Variants in DIAPH3 observed in about 807,000 individuals in gnomAD.
DIAPH3 encodes protein diaphanous homolog 3.
In DIAPH3, 117 loss-of-function variants were observed where a neutral mutation model predicts 144.3. The observed-to-expected ratio is 0.81, with a 90% CI of 0.70 to 0.95. The LOEUF is 0.95. Among genes scored for constraint, DIAPH3 ranks in the 40% least tolerant of loss-of-function variants. The probability of loss-of-function intolerance (pLI) is 0.00; values close to 1 mark genes in which losing one functional copy is unlikely to be tolerated. For synonymous variants in DIAPH3, 519 were observed against 488.9 expected (o/e 1.06, Z -0.81); for missense variants, 1,421 against 1,412.7 (o/e 1.01, Z -0.09).
At chr13:59,711,655 T>C (rs1265587175) in intron 27 of DIAPH3, among the ~76,000 whole-genome samples, 6 of 152,216 alleles carry the variant, frequency 3.9e-5, no homozygotes, top group African/African-American at 2.4e-5. Context: ...ATTCAAGATA[T>C]GCTATATCCA....
chr13:59,667,675 A>G (rs1364861378), intron 27 of DIAPH3, among the ~76,000 whole-genome samples: 2 of 152,250 alleles, frequency 1.3e-5, no homozygotes, highest in African/African-American at 4.8e-5. Flanking sequence ...ATACATACAC[A>G]CATACATTCT....
chr13:60,152,225 A>C (rs1041256472), intron 1 of DIAPH3, among the ~76,000 whole-genome samples: 5 of 152,080 alleles, frequency 3.3e-5, no homozygotes, highest in African/African-American at 1.2e-4. Flanking sequence ...GCTTCAAGAA[A>C]TTCTACACCA....
At chr13:59,793,261 C>T (rs1023893650) in intron 25 of DIAPH3, among the ~76,000 whole-genome samples, 6 of 152,148 alleles carry the variant, frequency 3.9e-5, no homozygotes, top group Admixed American at 1.3e-4. Flanking sequence ...TCCTGCCGCC[C>T]TCAGAAGTTT....
At chr13:60,112,265 A>G (rs2058589416) in intron 2 of DIAPH3, 79 bp from the exon 3 acceptor site, 1 of 1,494,210 alleles carries the variant, frequency 6.7e-7, no homozygotes, top group Non-Finnish European at 9.3e-7. Context: ...TGAGAAAAAC[A>G]AAGAGGGCCA....
intron 21 of DIAPH3, among the ~76,000 whole-genome samples, chr13:59,873,742 C>T (rs1260799974): frequency 3.4e-5 from 5 of 147,932 alleles, no homozygotes; most frequent in Non-Finnish European, 7.4e-5. Context: ...TCTCGGCTCA[C>T]TGCAACCTCC....
intron 2 of DIAPH3, among the ~76,000 whole-genome samples, chr13:60,123,887 C>A (rs1038898065): frequency 1.3e-5 from 2 of 152,158 alleles, no homozygotes; most frequent in Admixed American, 6.5e-5. Context: ...TTAAATAATT[C>A]TAGGTTGAGC....
At chr13:59,755,165 A>T (rs2037194254) in intron 27 of DIAPH3, among the ~76,000 whole-genome samples, 1 of 152,130 alleles carries the variant, frequency 6.6e-6, no homozygotes, top group African/African-American at 2.4e-5. Flanking sequence ...TTCAGTACTT[A>T]TTTTCAATTA....
intron 4 of DIAPH3, among the ~76,000 whole-genome samples, chr13:60,079,074 A>C (rs1452776436): frequency 6.6e-6 from 1 of 152,080 alleles, no homozygotes; most frequent in African/African-American, 2.4e-5. Flanking sequence ...TTTTTGATTC[A>C]GTTTGAATTC....
chr13:59,774,265 T>A lies in DIAPH3; in HGVS notation c.3260-17A>T, dbSNP rs761398957. On this transcript the variant is annotated splice_polypyrimidine_tract_variant and intron_variant, in intron 26 of 27. Transcript: ENST00000400324. ...GCCGAACATCTGTTAAAAAAAAAAA[T>A]AAAATAAACTTAATATAGAGGTCTG... 4.5e-5 allele frequency: 71 copies of A among 1,575,174 alleles called. No homozygotes were observed. The highest frequency in any genetic ancestry group is 2.0e-4 in the East Asian group (9 of 44,266).
rs1413108432 is a variant in DIAPH3 at position 59,908,663 on chromosome 13, A to G, written c.2367+3072T>C. On this transcript the variant is annotated intron_variant, in intron 20 of 27. Coordinates refer to ENST00000400324, the MANE Select transcript of DIAPH3 (RefSeq NM_001042517.2). ...AGGGTATCAGTTTAAATAAAACACA[A>G]CCTTTCAGAAAAAATTGTAATTAAT... is the stretch of plus-strand genomic sequence containing the variant. 7.2e-5 allele frequency among the ~76,000 whole-genome samples: 11 copies of G among 152,228 alleles called. No individual in the cohort carries two copies. In the East Asian group the frequency reaches 1.2e-3, roughly 16 times the overall value.
rs554735281 is a variant in DIAPH3, at chr13:59,750,953, C to T, written c.3319+23236G>A. ...AACAGTTGTCAGGGTCTGAGTCAAG[C>T]TGTGCTTCTGCCCACATAGTGGCAC... On this transcript the variant is annotated intron_variant, in intron 27 of 27. Coordinates refer to ENST00000400324, the MANE Select transcript of DIAPH3 (RefSeq NM_001042517.2). 3.3e-5 allele frequency among the ~76,000 whole-genome samples: 5 copies of T among 152,350 alleles called. No homozygotes were observed. The East Asian group carries it at 7.7e-4, about 24-fold the overall frequency.
chr13:59,797,995 C>G (rs981064908), intron 25 of DIAPH3, among the ~76,000 whole-genome samples: 2 of 152,104 alleles, frequency 1.3e-5, no homozygotes, highest in South Asian at 2.1e-4. Context: ...GATTAAAAAG[C>G]CTTTAAATTG....
intron 9 of DIAPH3, among the ~76,000 whole-genome samples, chr13:60,000,687 T>C (rs1398054363): frequency 6.6e-6 from 1 of 152,166 alleles, no homozygotes; most frequent in African/African-American, 2.4e-5. Context: ...CATCAAACCA[T>C]CAAAGACAAC....
intron 25 of DIAPH3, among the ~76,000 whole-genome samples, chr13:59,803,944 G>A (rs547330806): frequency 1.1e-3 from 174 of 152,232 alleles, no homozygotes; most frequent in African/African-American, 4.1e-3. Flanking sequence ...TACAGTTGGT[G>A]GACGTGGAAG....
At chr13:60,048,484 GAAC>G (rs1278793617) in intron 4 of DIAPH3, among the ~76,000 whole-genome samples, 1 of 152,192 alleles carries the variant, frequency 6.6e-6, no homozygotes, top group African/African-American at 2.4e-5. Flanking sequence ...ATTCAAATTG[GAAC>G]AACAAATGAG....
At chr13:59,744,315 A>G (rs1353839780) in intron 27 of DIAPH3, among the ~76,000 whole-genome samples, 3 of 152,170 alleles carry the variant, frequency 2.0e-5, no homozygotes, top group Non-Finnish European at 4.4e-5. Flanking sequence ...ATGAGTAGAA[A>G]TAATATCCAC....
intron 2 of DIAPH3, among the ~76,000 whole-genome samples, chr13:60,117,809 A>G (rs2058737811): frequency 6.6e-6 from 1 of 152,138 alleles, no homozygotes; most frequent in Admixed American, 6.5e-5. Context: ...AATATTGACC[A>G]TAAGTTGGTT....
At chr13:59,822,617 G>T (rs560216974) in intron 24 of DIAPH3, among the ~76,000 whole-genome samples, 5 of 151,642 alleles carry the variant, frequency 3.3e-5, no homozygotes, top group African/African-American at 9.7e-5. Flanking sequence ...ATTTTTTTTT[G>T]TATTTTAGTA....
rs1408791009 is a variant in DIAPH3 at position 59,911,225 on chromosome 13, C to T, written c.2367+510G>A. 2.6e-5 allele frequency among the ~76,000 whole-genome samples: 4 copies of T among 151,948 alleles called. No homozygotes were observed. In the East Asian group the frequency reaches 7.8e-4, roughly 29 times the overall value. On this transcript the variant is annotated intron_variant, in intron 20 of 27. Transcript: ENST00000400324. ...GGAAATTCTTTTCACCTCTTTAGAC[C>T]CCAGCTTCTATAAAATAAAAGGCTG... is the stretch of plus-strand genomic sequence containing the variant.
Sources: gnomAD v4.1 joint callset for allele counts (sites outside exome capture counted in the v4.1 genomes callset) on GRCh38, gnomAD v4.1.1 for gene constraint, MANE v1.5 for transcripts, NCBI Gene and HGNC (gene_info 2026-07-23, HGNC 2026-07-21) for gene names.